HNRNPC: variants seen among roughly 807,000 people sequenced by gnomAD.
HNRNPC encodes heterogeneous nuclear ribonucleoproteins C1/C2.
Under a neutral mutation model 33.2 loss-of-function variants are expected in HNRNPC, and 3 were observed. The ratio of observed to expected loss-of-function variants is 0.09; its 90% CI spans 0.04 to 0.23. HNRNPC has a LOEUF of 0.23. Ranked by LOEUF, HNRNPC falls within the 10% of genes least tolerant of loss-of-function variation. The pLI, the probability that HNRNPC is intolerant of heterozygous loss-of-function variation, is 1.00. For synonymous variants in HNRNPC, 121 were observed against 126.7 expected (o/e 0.96, Z 0.30); for missense variants, 143 against 366.7 (o/e 0.39, Z 4.98).
chr14:21,234,365 A>C, intron 2 of HNRNPC, 136 bp from the exon 3 acceptor site: 1 of 661,588 alleles, frequency 1.5e-6, no homozygotes, highest in East Asian at 2.9e-5. Context: ...CACAGCATTA[A>C]GTATGTATTT....
At chr14:21,242,391 G>T (rs910416383) in intron 2 of HNRNPC, among the ~76,000 whole-genome samples, 1 of 152,324 alleles carries the variant, frequency 6.6e-6, no homozygotes, top group Non-Finnish European at 1.5e-5. Flanking sequence ...GACTGAGCTA[G>T]AAGAATCGCT....
chr14:21,259,118 CT>C (rs1877736606), intron 2 of HNRNPC, among the ~76,000 whole-genome samples: 1 of 152,146 alleles, frequency 6.6e-6, no homozygotes, highest in South Asian at 2.1e-4. Context: ...TCTATGTATT[CT>C]TGGTAATTAT....
chr14:21,242,061 G>A (rs1397277875), intron 2 of HNRNPC, among the ~76,000 whole-genome samples: 7 of 151,964 alleles, frequency 4.6e-5, no homozygotes, highest in South Asian at 4.1e-4. Flanking sequence ...AATACAAATC[G>A]TGTAAAACTG....
chr14:21,213,550 T>C (rs1412511043), intron 5 of HNRNPC: 1 of 158,598 alleles, frequency 6.3e-6, no homozygotes, highest in Non-Finnish European at 1.4e-5. Context: ...AAAGGGTATA[T>C]AAACAGTGGT....
intron 5 of HNRNPC, among the ~76,000 whole-genome samples, chr14:21,228,305 C>CA (rs1283482977): frequency 6.6e-6 from 1 of 152,136 alleles, no homozygotes; most frequent in African/African-American, 2.4e-5. Flanking sequence ...TGCAAAAATT[C>CA]AAAAAATTGC....
intron 3 of HNRNPC, among the ~76,000 whole-genome samples, chr14:21,232,730 A>G (rs1894250302): frequency 6.6e-6 from 1 of 152,180 alleles, no homozygotes; most frequent in Middle Eastern, 3.2e-3. Context: ...CAGCTCATCA[A>G]ATGACCAACT....
At chr14:21,238,604 G>GT (rs1566621583) in intron 2 of HNRNPC, among the ~76,000 whole-genome samples, 2 of 152,208 alleles carry the variant, frequency 1.3e-5, no homozygotes, top group East Asian at 3.9e-4. Context: ...AATCACATTA[G>GT]TAATAATAGT....
At chr14:21,252,177 G>A (rs975058150) in intron 2 of HNRNPC, among the ~76,000 whole-genome samples, 2 of 151,992 alleles carry the variant, frequency 1.3e-5, no homozygotes, top group African/African-American at 4.8e-5. Flanking sequence ...TTCCATACAG[G>A]ACTGTTAGCA....
At chr14:21,247,984 A>C (rs1896189131) in intron 2 of HNRNPC, among the ~76,000 whole-genome samples, 1 of 147,212 alleles carries the variant, frequency 6.8e-6, no homozygotes, top group African/African-American at 2.4e-5. Flanking sequence ...CAGTAAGATT[A>C]CATCATAAAA....
At chr14:21,246,011 A>T (rs1338805674) in intron 2 of HNRNPC, among the ~76,000 whole-genome samples, 1 of 151,980 alleles carries the variant, frequency 6.6e-6, no homozygotes, top group Non-Finnish European at 1.5e-5. Flanking sequence ...ACGCCTGACT[A>T]CGGGGTTTGA....
intron 5 of HNRNPC, among the ~76,000 whole-genome samples, chr14:21,227,981 A>T (rs987339413): frequency 6.6e-6 from 1 of 152,218 alleles, no homozygotes; most frequent in Non-Finnish European, 1.5e-5. Context: ...ATGATTCTCA[A>T]CTCTGACTGG....
intron 2 of HNRNPC, among the ~76,000 whole-genome samples, chr14:21,254,293 A>G (rs965505027): frequency 6.6e-6 from 1 of 152,156 alleles, no homozygotes; most frequent in Non-Finnish European, 1.5e-5. Context: ...GTAGTATTAT[A>G]GAGTATATAA....
chr14:21,249,810 C>T (rs1023004366), intron 2 of HNRNPC, among the ~76,000 whole-genome samples: 1 of 152,036 alleles, frequency 6.6e-6, no homozygotes, highest in Admixed American at 6.6e-5. Flanking sequence ...CGTAGAGCAA[C>T]TTCTGTTTGG....
At chr14:21,249,600 A>AAAC (rs573934542) in intron 2 of HNRNPC, among the ~76,000 whole-genome samples, 112 of 145,304 alleles carry the variant, frequency 7.7e-4, no homozygotes, top group African/African-American at 2.7e-3. Flanking sequence ...AAACAAAAAA[A>AAAC]AAAAAAAAAA....
At chr14:21,266,502 CAAA>C (rs1879005615) in intron 1 of HNRNPC, among the ~76,000 whole-genome samples, 1 of 151,838 alleles carries the variant, frequency 6.6e-6, no homozygotes, top group African/African-American at 2.4e-5. Flanking sequence ...TAAATAAATC[CAAA>C]AACACATAAC....
intron 2 of HNRNPC, among the ~76,000 whole-genome samples, chr14:21,244,515 C>G (rs1895732171): frequency 6.6e-6 from 1 of 152,134 alleles, no homozygotes; most frequent in East Asian, 1.9e-4. Context: ...TTTTGAATTG[C>G]CAAAGTCAGA....
chr14:21,244,293 C>A (rs1181231538), intron 2 of HNRNPC, among the ~76,000 whole-genome samples: 2 of 152,218 alleles, frequency 1.3e-5, no homozygotes, highest in Non-Finnish European at 2.9e-5. Context: ...AGCCCCCACG[C>A]CTGCCCGCAA....
At chr14:21,234,308 C>CTGAATCACTG in intron 2 of HNRNPC, 79 bp from the exon 3 acceptor site, 1 of 1,295,644 alleles carries the variant, frequency 7.7e-7, no homozygotes, top group South Asian at 1.4e-5. Flanking sequence ...CACTCTCACT[C>CTGAATCACTG]TGAATCACTG....
intron 6 of HNRNPC, 199 bp from the exon 7 acceptor site, chr14:21,212,122 C>A (rs756217595): frequency 5.7e-5 from 30 of 523,458 alleles, no homozygotes; most frequent in Non-Finnish European, 1.0e-4. Flanking sequence ...TTTTTAATGT[C>A]TTTTAGATCA....
Sources: gnomAD v4.1 joint callset for allele counts (sites outside exome capture counted in the v4.1 genomes callset) on GRCh38, gnomAD v4.1.1 for gene constraint, MANE v1.5 for transcripts, NCBI Gene and HGNC (gene_info 2026-07-23, HGNC 2026-07-21) for gene names.